DLG2: variants seen among roughly 807,000 people sequenced by gnomAD.
DLG2 encodes the protein disks large homolog 2.
A neutral mutation model predicts 132.5 loss-of-function variants in DLG2; 45 were observed. The observed-to-expected ratio is 0.34, with a 90% CI of 0.27 to 0.44. The LOEUF is 0.44. Among genes scored for constraint, DLG2 ranks in the 20% least tolerant of loss-of-function variants. The probability of loss-of-function intolerance (pLI) is 1.00; values close to 1 mark genes in which losing one functional copy is unlikely to be tolerated. For missense variants in DLG2, 1,045 were observed against 1,196.9 expected (o/e 0.87, Z 1.87); for synonymous variants, 424 against 419.6 (o/e 1.01, Z -0.13).
chr11:84,623,884 T>C (rs534708752), intron 6 of DLG2, among the ~76,000 whole-genome samples: 19 of 152,324 alleles, frequency 1.2e-4, no homozygotes, highest in Middle Eastern at 6.8e-3. Context: ...ACAACTATTA[T>C]ACTGTAATTC....
intron 15 of DLG2, among the ~76,000 whole-genome samples, chr11:83,906,437 A>T (rs1052953994): frequency 5.3e-5 from 8 of 152,010 alleles, no homozygotes; most frequent in African/African-American, 1.9e-4. Flanking sequence ...CGGAAGTATA[A>T]TAGGACTATT....
At chr11:84,319,230 A>C (rs1366195936) in intron 7 of DLG2, among the ~76,000 whole-genome samples, 2 of 151,106 alleles carry the variant, frequency 1.3e-5, no homozygotes, top group African/African-American at 4.9e-5. Flanking sequence ...CCCCCTTTTT[A>C]TTTTAGATCA....
chr11:84,430,655 C>T (rs564451547), intron 7 of DLG2, among the ~76,000 whole-genome samples: 7 of 152,268 alleles, frequency 4.6e-5, no homozygotes, highest in African/African-American at 1.4e-4. Flanking sequence ...CCTTCCTTCA[C>T]TTTGGCCATT....
intron 3 of DLG2, among the ~76,000 whole-genome samples, chr11:85,319,387 C>A (rs1014533998): frequency 6.6e-6 from 1 of 151,694 alleles, no homozygotes; most frequent in Non-Finnish European, 1.5e-5. Context: ...CTTTATGAAA[C>A]ATTTTAATAG....
chr11:85,457,127 AT>A (rs1377355924), intron 3 of DLG2, among the ~76,000 whole-genome samples: 1 of 151,456 alleles, frequency 6.6e-6, no homozygotes, highest in Non-Finnish European at 1.5e-5. Context: ...TATATTTAGG[AT>A]ACTTAAGTCT....
At chr11:85,559,689 C>A (rs2077121104) in intron 3 of DLG2, among the ~76,000 whole-genome samples, 1 of 151,130 alleles carries the variant, frequency 6.6e-6, no homozygotes, top group Admixed American at 6.6e-5. Context: ...CAGGTAAATA[C>A]CATGTAAAAA....
At chr11:85,573,419 A>C (rs1254357713) in intron 3 of DLG2, among the ~76,000 whole-genome samples, 1 of 152,140 alleles carries the variant, frequency 6.6e-6, no homozygotes, top group Non-Finnish European at 1.5e-5. Flanking sequence ...GTGAATTAGG[A>C]GTACTGGGAT....
At chr11:83,611,915 G>C (rs552305728) in intron 19 of DLG2, among the ~76,000 whole-genome samples, 18 of 148,486 alleles carry the variant, frequency 1.2e-4, no homozygotes, top group South Asian at 2.1e-4. Context: ...GCTTTTGAAG[G>C]GGGGGCAACT....
At chr11:83,894,225 T>C (rs1388487131) in intron 15 of DLG2, among the ~76,000 whole-genome samples, 1 of 152,204 alleles carries the variant, frequency 6.6e-6, no homozygotes, top group Non-Finnish European at 1.5e-5. Flanking sequence ...CTAGGTAGTA[T>C]AAGAGTTACA....
chr11:83,677,578 G>C (rs543068320), intron 18 of DLG2, among the ~76,000 whole-genome samples: 4 of 152,152 alleles, frequency 2.6e-5, no homozygotes, highest in Non-Finnish European at 4.4e-5. Context: ...AATGCATTCT[G>C]TCTTCCCACC....
rs568563036 is a variant in DLG2 at position 85,339,214 on chromosome 11, A to G, written c.41-53849T>C. ...CCTTATTCTTTCTTAACAGATGTAC[A>G]GTACTCCATGTGGATTTGCCATAGC... is the stretch of plus-strand genomic sequence containing the variant. On this transcript the variant is annotated intron_variant, in intron 3 of 27. Coordinates refer to ENST00000376104, the MANE Select transcript of DLG2 (RefSeq NM_001142699.3). Among the ~76,000 whole-genome samples the G allele has an allele frequency of 2.6e-5, 4 of 152,340 alleles. No homozygotes were observed. The East Asian group carries it at 7.7e-4, about 29-fold the overall frequency.
Position 85,591,087 on chromosome 11 carries a change from C to T in DLG2, c.40+7570G>A, listed in dbSNP as rs532217888. Among the ~76,000 whole-genome samples the T allele has an allele frequency of 5.9e-5, 9 of 152,254 alleles. No individual in the cohort carries two copies. The East Asian group carries it at 1.7e-3, about 29-fold the overall frequency. On this transcript the variant is annotated intron_variant, in intron 3 of 27. Coordinates refer to ENST00000376104, the MANE Select transcript of DLG2 (RefSeq NM_001142699.3). ...AAATATAAAAGTCCTGAGTCAGAGTCCAGAATGATACCCAACCCTCTTGAT... is the reference window on the plus strand; with the variant it reads ...AAATATAAAAGTCCTGAGTCAGAGTTCAGAATGATACCCAACCCTCTTGAT...
intron 7 of DLG2, among the ~76,000 whole-genome samples, chr11:84,492,944 A>G (rs556912844): frequency 6.6e-6 from 1 of 152,240 alleles, no homozygotes; most frequent in East Asian, 1.9e-4. Context: ...CATATTTCTA[A>G]TGGTCAGGTT....
intron 3 of DLG2, among the ~76,000 whole-genome samples, chr11:85,535,202 G>C (rs1007366529): frequency 7.9e-5 from 12 of 152,094 alleles, no homozygotes; most frequent in Non-Finnish European, 5.9e-5. Context: ...AAGGAATTTT[G>C]TTTGTTTTGC....
chr11:84,721,226 C>T (rs1159520174), intron 6 of DLG2, among the ~76,000 whole-genome samples: 2 of 152,148 alleles, frequency 1.3e-5, no homozygotes, highest in Admixed American at 1.3e-4. Context: ...GGGCAGAGGG[C>T]CAGCAAAGAA....
At chr11:84,355,774 G>T (rs2098607809) in intron 7 of DLG2, among the ~76,000 whole-genome samples, 1 of 152,054 alleles carries the variant, frequency 6.6e-6, no homozygotes, top group Non-Finnish European at 1.5e-5. Flanking sequence ...ATGAGACATT[G>T]TATAAAAATC....
rs1491242172 is a variant in DLG2 at position 84,483,431 on chromosome 11, A to AAAAAAC, written c.519+51138_519+51139insGTTTTT. 7.0e-3 allele frequency among the ~76,000 whole-genome samples: 131 copies of AAAAAAC among 18,760 alleles called. No homozygotes were observed. In the African/African-American group the frequency reaches 0.1, roughly 14 times the overall value. 12.3% of individuals were successfully genotyped at this position (18,760 alleles called of 152,430 possible). On this transcript the variant is annotated intron_variant, in intron 7 of 27. Coordinates refer to ENST00000376104, the MANE Select transcript of DLG2 (RefSeq NM_001142699.3). ...GTGCAACAGAGCCAGACTCCGCCTC[A>AAAAAAC]AAAAAAAAAAAAAAAAAAATTAAAC...
chr11:84,966,954 C>T (rs1410752252), intron 6 of DLG2, among the ~76,000 whole-genome samples: 2 of 152,026 alleles, frequency 1.3e-5, no homozygotes, highest in African/African-American at 2.4e-5. Context: ...AAAATAGAAG[C>T]GAGAAATGGT....
chr11:83,684,778 TC>T (rs1401763545), intron 18 of DLG2, among the ~76,000 whole-genome samples: 1 of 152,106 alleles, frequency 6.6e-6, no homozygotes, highest in African/African-American at 2.4e-5. Context: ...AGCCATTTCT[TC>T]CCTGTCCATT....
Sources: gnomAD v4.1 joint callset for allele counts (sites outside exome capture counted in the v4.1 genomes callset) on GRCh38, gnomAD v4.1.1 for gene constraint, MANE v1.5 for transcripts, NCBI Gene and HGNC (gene_info 2026-07-23, HGNC 2026-07-21) for gene names.